MDGA2: variants seen among roughly 807,000 people sequenced by gnomAD.
MDGA2 encodes MAM domain containing glycosylphosphatidylinositol anchor 2.
In MDGA2, 40 loss-of-function variants were observed where a neutral mutation model predicts 117.8. The observed-to-expected ratio is 0.34, with a 90% CI of 0.26 to 0.44. The LOEUF (loss-of-function observed/expected upper bound fraction) is 0.44, where lower values mean the gene tolerates loss of function less well. Ranked by LOEUF, MDGA2 falls within the 20% of genes least tolerant of loss-of-function variation. The probability of loss-of-function intolerance (pLI) is 1.00; values close to 1 mark genes in which losing one functional copy is unlikely to be tolerated. For missense variants in MDGA2, 1,123 were observed against 1,250.6 expected (o/e 0.90, Z 1.54); for synonymous variants, 452 against 439.0 (o/e 1.03, Z -0.37).
rs141806253 is a variant in MDGA2, at chr14:46,967,516, T to C, written c.1820-9873A>G. On this transcript the variant is annotated intron_variant, in intron 8 of 16. Coordinates refer to ENST00000399232, the MANE Select transcript of MDGA2 (RefSeq NM_001113498.3). Reference sequence around the variant, plus strand: ...TTAAGAAGAGTTGAATTGCTACAATTAATATATGACAACCTCTCTCTCCAT... The same window carrying C: ...TTAAGAAGAGTTGAATTGCTACAATCAATATATGACAACCTCTCTCTCCAT... Among the ~76,000 whole-genome samples the C allele has an allele frequency of 1.4e-3, 216 of 152,308 alleles. 4 individuals are homozygous for C. The highest frequency in any genetic ancestry group is 4.8e-3 in the African/African-American group (199 of 41,570).
At chr14:47,421,737 C>T (rs961618366) in intron 1 of MDGA2, among the ~76,000 whole-genome samples, 1 of 151,990 alleles carries the variant, frequency 6.6e-6, no homozygotes, top group South Asian at 2.1e-4. Context: ...AAGACTAAAG[C>T]TGTTTATTAC....
At chr14:47,583,995 G>A (rs2138845545) in intron 1 of MDGA2, among the ~76,000 whole-genome samples, 1 of 151,892 alleles carries the variant, frequency 6.6e-6, no homozygotes, top group African/African-American at 2.4e-5. Flanking sequence ...TCTATCTCCT[G>A]CATTTTCACG....
intron 7 of MDGA2, among the ~76,000 whole-genome samples, chr14:47,038,200 G>A: frequency 6.6e-6 from 1 of 152,182 alleles, no homozygotes; most frequent in East Asian, 1.9e-4. Flanking sequence ...CCAAAGTGCT[G>A]AGATTACAAG....
chr14:47,536,415 T>C (rs17118884), intron 1 of MDGA2, among the ~76,000 whole-genome samples: 6,060 of 152,290 alleles, frequency 0.04, 410 homozygotes, highest in African/African-American at 0.14. Flanking sequence ...AATTGTCCTA[T>C]GTTCTGTCTA....
intron 6 of MDGA2, among the ~76,000 whole-genome samples, chr14:47,088,577 A>T (rs1000040421): frequency 6.6e-6 from 1 of 152,184 alleles, no homozygotes; most frequent in African/African-American, 2.4e-5. Flanking sequence ...GAAATTCACC[A>T]CTAATTTATA....
intron 9 of MDGA2, among the ~76,000 whole-genome samples, chr14:46,941,835 T>C (rs1000630506): frequency 4.6e-5 from 7 of 152,208 alleles, no homozygotes; most frequent in African/African-American, 1.7e-4. Flanking sequence ...AGACTGTTTC[T>C]TATTATTTAC....
intron 1 of MDGA2, among the ~76,000 whole-genome samples, chr14:47,491,881 T>G (rs1335249171): frequency 6.6e-6 from 1 of 152,140 alleles, no homozygotes; most frequent in Non-Finnish European, 1.5e-5. Flanking sequence ...TAACATAAAG[T>G]TATCACATTT....
intron 9 of MDGA2, among the ~76,000 whole-genome samples, chr14:46,942,421 TA>T (rs1380195831): frequency 3.3e-5 from 5 of 152,300 alleles, no homozygotes; most frequent in Non-Finnish European, 7.4e-5. Context: ...AGATATAATT[TA>T]CATATAATAA....
At chr14:46,926,846 T>TA (rs971017668) in intron 9 of MDGA2, among the ~76,000 whole-genome samples, 8 of 151,948 alleles carry the variant, frequency 5.3e-5, no homozygotes, top group African/African-American at 1.7e-4. Flanking sequence ...AGGAAACTAG[T>TA]AAAAAAATAC....
rs548550674 is a variant in MDGA2 at position 47,091,815 on chromosome 14, C to T, written c.1195+5039G>A. Reference sequence around the variant, plus strand: ...CCCATTCAAGCTCCGTCCCATTTCCCGATGACAGGGATGGAGGCAACATCC... The same window carrying T: ...CCCATTCAAGCTCCGTCCCATTTCCTGATGACAGGGATGGAGGCAACATCC... On this transcript the variant is annotated intron_variant, in intron 6 of 16. Coordinates refer to ENST00000399232, the MANE Select transcript of MDGA2 (RefSeq NM_001113498.3). Among the ~76,000 whole-genome samples, 21 of 152,160 alleles carry T rather than the reference C, an allele frequency of 1.4e-4. No homozygotes were observed. The South Asian group carries it at 3.9e-3, about 29-fold the overall frequency.
chr14:46,854,732 A>G (rs72676642), intron 15 of MDGA2, among the ~76,000 whole-genome samples: 45 of 151,976 alleles, frequency 3.0e-4, no homozygotes, highest in African/African-American at 4.1e-4. Context: ...CAGGGAGTAA[A>G]ATATAAGCAT....
intron 7 of MDGA2, among the ~76,000 whole-genome samples, chr14:47,053,597 A>ATGTGTG (rs1487950481): frequency 1.3e-5 from 1 of 77,332 alleles, no homozygotes; most frequent in Non-Finnish European, 2.5e-5. Flanking sequence ...CCTAGTGTGT[A>ATGTGTG]TGTGTATATA....
chr14:47,045,580 T>C (rs1889228079), intron 7 of MDGA2, among the ~76,000 whole-genome samples: 1 of 152,142 alleles, frequency 6.6e-6, no homozygotes, highest in African/African-American at 2.4e-5. Flanking sequence ...TAAAGAATTA[T>C]GTCAAAATTG....
chr14:47,463,210 T>G lies in MDGA2; in HGVS notation c.281-161660A>C, dbSNP rs1594869842. On this transcript the variant is annotated intron_variant, in intron 1 of 16. Transcript: ENST00000399232. ...CAAATTAAATTTTTATTAAAATTAC[T>G]TTATTTCCTTGTCCCATTCCACTGA... 3.9e-5 allele frequency among the ~76,000 whole-genome samples: 6 copies of G among 152,316 alleles called. No homozygotes were observed. The Middle Eastern group carries it at 0.017, about 432-fold the overall frequency.
intron 4 of MDGA2, among the ~76,000 whole-genome samples, chr14:47,139,994 G>T (rs957413872): frequency 6.6e-6 from 1 of 151,020 alleles, no homozygotes; most frequent in Non-Finnish European, 1.5e-5. Flanking sequence ...CAATATGGAA[G>T]TATAAAAAGG....
At chr14:47,488,235 C>A (rs746273122) in intron 1 of MDGA2, among the ~76,000 whole-genome samples, 3 of 152,072 alleles carry the variant, frequency 2.0e-5, no homozygotes, top group Non-Finnish European at 2.9e-5. Context: ...GGCTAGAGAA[C>A]GAATAGAACT....
intron 9 of MDGA2, among the ~76,000 whole-genome samples, chr14:46,926,016 A>T (rs1474182352): frequency 6.6e-6 from 1 of 152,224 alleles, no homozygotes; most frequent in Non-Finnish European, 1.5e-5. Context: ...CAGGGATGGT[A>T]TCATCAGCTC....
At chr14:47,615,924 G>A (rs1044851455) in intron 1 of MDGA2, among the ~76,000 whole-genome samples, 3 of 152,096 alleles carry the variant, frequency 2.0e-5, no homozygotes, top group Middle Eastern at 3.2e-3. Flanking sequence ...CCCTTCAATG[G>A]GGTCTTTGGC....
chr14:47,031,273 C>T, intron 8 of MDGA2, among the ~76,000 whole-genome samples: 1 of 151,742 alleles, frequency 6.6e-6, no homozygotes, highest in Non-Finnish European at 1.5e-5. Flanking sequence ...GGACGCCCTA[C>T]ACTCATTGAT....
Sources: gnomAD v4.1 joint callset for allele counts (sites outside exome capture counted in the v4.1 genomes callset) on GRCh38, gnomAD v4.1.1 for gene constraint, MANE v1.5 for transcripts, NCBI Gene and HGNC (gene_info 2026-07-23, HGNC 2026-07-21) for gene names.